Variants in SNX18 observed in about 807,000 individuals in gnomAD.
SNX18 encodes the protein sorting nexin-18.
SNX18 carries 35 observed loss-of-function variants against 48.7 expected under a neutral mutation model. The observed-to-expected ratio is 0.72, with a 90% CI of 0.55 to 0.95. SNX18 has a LOEUF of 0.95. Among genes scored for constraint, SNX18 ranks in the 40% least tolerant of loss-of-function variants. The pLI is 0.00. For synonymous variants in SNX18, 492 were observed against 384.7 expected, an observed-to-expected ratio of 1.28 and a Z score of -3.26; for missense variants, 824 against 871.0, an observed-to-expected ratio of 0.95 and a Z score of 0.68.
rs1761925791 is a variant in SNX18, at chr5:54,518,480, C to T, written c.528C>T (p.Tyr176=). The part of the protein sequence containing the change: ...DEPGALGSGA[Y]PDLDGSSSAG... ...CGGGCGCTCTGGGCAGCGGAGCATA[C>T]CCGGACCTCGACGGCTCGTCTTCGG... The change falls in exon 1 of 2, where the codon TAC becomes TAT. Residue 176 remains tyrosine (Y), a synonymous_variant. Coordinates refer to ENST00000381410, the MANE Select transcript of SNX18 (RefSeq NM_001102575.2). 6.4e-6 allele frequency: 10 copies of T among 1,571,104 alleles called. No homozygotes were observed. The highest frequency in any genetic ancestry group is 7.8e-6 in the Non-Finnish European group (9 of 1,158,664).
the SNX18 span, among the ~76,000 whole-genome samples, chr5:54,587,609 GC>G: frequency 6.6e-6 from 1 of 152,106 alleles, no homozygotes; most frequent in Admixed American, 6.5e-5. Context: ...TGTTGGTGCT[GC>G]CAGTGTTCCA....
the SNX18 span, among the ~76,000 whole-genome samples, chr5:54,629,446 T>C: frequency 6.6e-6 from 1 of 152,256 alleles, no homozygotes; most frequent in Non-Finnish European, 1.5e-5. Context: ...TGGTATTGTT[T>C]GTGCAGAGTA....
At chr5:54,557,463 A>G in the SNX18 span, among the ~76,000 whole-genome samples, 3 of 152,234 alleles carry the variant, frequency 2.0e-5, no homozygotes, top group African/African-American at 7.2e-5. Flanking sequence ...GGGTGCAACA[A>G]TTTCTCAAGC....
At chr5:54,606,044 C>T in the SNX18 span, among the ~76,000 whole-genome samples, 1 of 152,274 alleles carries the variant, frequency 6.6e-6, no homozygotes, top group South Asian at 2.1e-4. Flanking sequence ...AAAATACACA[C>T]AGTATAAAAT....
intron 1 of SNX18, among the ~76,000 whole-genome samples, chr5:54,540,485 G>C (rs1053765605): frequency 6.6e-6 from 1 of 152,154 alleles, no homozygotes; most frequent in Admixed American, 6.5e-5. Flanking sequence ...CCAAATTGCC[G>C]GGATTTTAGG....
At chr5:54,618,327 C>A in the SNX18 span, among the ~76,000 whole-genome samples, 2 of 152,212 alleles carry the variant, frequency 1.3e-5, no homozygotes, top group South Asian at 4.1e-4. Context: ...CAGGCTTGGG[C>A]AGTCCTTTAT....
At position 54,518,235 on chromosome 5, in the gene SNX18, G is replaced by T. The variant is rs1262215068; in HGVS notation, c.283G>T (p.Ala95Ser). 2.1e-6 allele frequency: 3 copies of T among 1,434,020 alleles called. No homozygotes were observed. The highest frequency in any genetic ancestry group is 2.7e-6 in the Non-Finnish European group (3 of 1,101,990). 88.8% of individuals were successfully genotyped at this position (1,434,020 alleles called of 1,614,324 possible). The change falls in exon 1 of 2, where the codon GCC (alanine) becomes TCC (serine). Residue 95 changes from alanine to serine, a missense_variant. Coordinates refer to ENST00000381410, the MANE Select transcript of SNX18 (RefSeq NM_001102575.2). ...CGAGCCCCTGCCTGTCGCGCCCCCC[G>T]CCTCCTTCAAGCCGCCGCCTGACGC... is the stretch of plus-strand genomic sequence containing the variant. Reference protein sequence around the residue: ...GFEPLPVAPPASFKPPPDAFQ... With the variant: ...GFEPLPVAPPSSFKPPPDAFQ...
the SNX18 span, among the ~76,000 whole-genome samples, chr5:54,616,763 C>T: frequency 4.0e-3 from 592 of 146,942 alleles, 3 homozygotes; most frequent in African/African-American, 0.014. Context: ...AGCAAGACTC[C>T]ATCTCAAAAA....
chr5:54,548,838 C>T (rs1762612845), downstream of SNX18, among the ~76,000 whole-genome samples: 1 of 152,084 alleles, frequency 6.6e-6, no homozygotes, highest in Admixed American at 6.6e-5. Flanking sequence ...GCATTGGTTC[C>T]AGGACACCCT....
the SNX18 span, among the ~76,000 whole-genome samples, chr5:54,570,266 A>G: frequency 6.6e-6 from 1 of 152,234 alleles, no homozygotes; most frequent in Non-Finnish European, 1.5e-5. Flanking sequence ...AGGTAGGCAG[A>G]GCCAAGGAGG....
the SNX18 span, among the ~76,000 whole-genome samples, chr5:54,567,626 C>A: frequency 6.6e-6 from 1 of 152,210 alleles, no homozygotes; most frequent in Non-Finnish European, 1.5e-5. Context: ...GCATGCCTTA[C>A]TCCCCTTATA....
chr5:54,632,916 A>G, the SNX18 span, among the ~76,000 whole-genome samples: 1 of 151,984 alleles, frequency 6.6e-6, no homozygotes, highest in African/African-American at 2.4e-5. Flanking sequence ...CTGGGATTAC[A>G]GGCAACCGCC....
the SNX18 span, among the ~76,000 whole-genome samples, chr5:54,585,200 G>C: frequency 6.6e-6 from 1 of 151,554 alleles, no homozygotes; most frequent in Non-Finnish European, 1.5e-5. Flanking sequence ...GCTGAGGTGG[G>C]AAGATTGCTT....
chr5:54,584,251 T>C, the SNX18 span, among the ~76,000 whole-genome samples: 1 of 151,970 alleles, frequency 6.6e-6, no homozygotes, highest in Non-Finnish European at 1.5e-5. Flanking sequence ...GGTTTCACCA[T>C]GTTGCAGGCT....
At chr5:54,579,155 A>G in the SNX18 span, among the ~76,000 whole-genome samples, 29 of 152,200 alleles carry the variant, frequency 1.9e-4, no homozygotes, top group African/African-American at 6.5e-4. Context: ...AGCCTGGGCA[A>G]CATGGCGAAA....
downstream of SNX18, among the ~76,000 whole-genome samples, chr5:54,548,358 C>T (rs942531526): frequency 2.0e-5 from 3 of 152,202 alleles, no homozygotes; most frequent in Admixed American, 1.3e-4. Context: ...CTGAAGTGGC[C>T]AGATGCATCA....
the SNX18 span, among the ~76,000 whole-genome samples, chr5:54,616,510 C>T: frequency 1.3e-5 from 2 of 152,158 alleles, no homozygotes; most frequent in African/African-American, 2.4e-5. Flanking sequence ...CGGTGGCTCA[C>T]ACCTGTAATC....
chr5:54,572,080 A>G, the SNX18 span, among the ~76,000 whole-genome samples: 3 of 152,130 alleles, frequency 2.0e-5, no homozygotes, highest in Admixed American at 2.0e-4. Flanking sequence ...TCAGCCCTAG[A>G]TGATTGATTT....
chr5:54,634,265 G>A, the SNX18 span, among the ~76,000 whole-genome samples: 1 of 152,176 alleles, frequency 6.6e-6, no homozygotes, highest in African/African-American at 2.4e-5. Context: ...GTAGAGAGTG[G>A]GGTGGAAGAA....
Sources: allele counts gnomAD v4.1 joint callset (sites outside exome capture counted in the v4.1 genomes callset), GRCh38; gene constraint gnomAD v4.1.1; transcripts MANE v1.5; gene names NCBI Gene and HGNC (gene_info 2026-07-23, HGNC 2026-07-21).